The following CHEK2 variants were observed in gnomAD, a reference collection of about 807,000 sequenced individuals.
CHEK2 encodes the protein serine/threonine-protein kinase Chk2.
A neutral mutation model predicts 69.1 loss-of-function variants in CHEK2; 71 were observed. The ratio of observed to expected loss-of-function variants is 1.03; its 90% CI spans 0.85 to 1.25. The LOEUF (loss-of-function observed/expected upper bound fraction) is 1.25, where lower values mean the gene tolerates loss of function less well. CHEK2 is among the 50% of genes most tolerant of loss of function. The probability of loss-of-function intolerance (pLI) is 0.00; values close to 1 mark genes in which losing one functional copy is unlikely to be tolerated. For missense variants in CHEK2, 664 were observed against 649.6 expected, an observed-to-expected ratio of 1.02 and a Z score of -0.24; for synonymous variants, 189 against 226.9, an observed-to-expected ratio of 0.83 and a Z score of 1.50.
intron 7 of CHEK2, among the ~76,000 whole-genome samples, chr22:28,707,734 A>C (rs1412322110): frequency 1.3e-5 from 2 of 151,706 alleles, no homozygotes; most frequent in Admixed American, 6.6e-5. Context: ...TAGGGTTTTG[A>C]ATTCTTCTCT....
At chr22:28,702,137 G>GTGTGTGTGTGTA (rs1644116188) in intron 8 of CHEK2, among the ~76,000 whole-genome samples, 1 of 64,248 alleles carries the variant, frequency 1.6e-5, no homozygotes, top group Non-Finnish European at 3.3e-5. Flanking sequence ...GTGTGTGTCT[G>GTGTGTGTGTGTA]TGTGTGTGTG....
intron 1 of CHEK2, among the ~76,000 whole-genome samples, chr22:28,738,543 C>G (rs1227751357): frequency 6.6e-6 from 1 of 152,094 alleles, no homozygotes; most frequent in Non-Finnish European, 1.5e-5. Context: ...ATGTAATACT[C>G]CCCCCACCCA....
At chr22:28,699,032 C>T (rs192524679) in intron 9 of CHEK2, among the ~76,000 whole-genome samples, 3 of 152,232 alleles carry the variant, frequency 2.0e-5, no homozygotes, top group Admixed American at 2.0e-4. Flanking sequence ...AAAGACAGAG[C>T]ATCATTCTGT....
Position 28,687,843 on chromosome 22 carries a change from G to C in CHEK2, c.*54C>G, listed in dbSNP as rs2145735760. Reference sequence around the variant, plus strand: ...TATAAAAAAACAGACTCAAAGAAAAGAAAGATGACAGAGTGAAAGAAGGTA... The same window carrying C: ...TATAAAAAAACAGACTCAAAGAAAACAAAGATGACAGAGTGAAAGAAGGTA... On this transcript the variant is annotated 3_prime_UTR_variant, in exon 15 of 15. Transcript: ENST00000404276. 7.4e-7 allele frequency: 1 copy of C among 1,345,416 alleles called. No homozygotes were observed. The highest frequency in any genetic ancestry group is 1.0e-6 in the Non-Finnish European group (1 of 952,946). The allele number at this position is 1,345,416 out of a possible 1,614,324, so 83.3% of individuals were successfully genotyped here. A position where few individuals can be genotyped will look rare whatever the true frequency, so the allele number is the denominator to read the frequency against.
intron 5 of CHEK2, among the ~76,000 whole-genome samples, chr22:28,718,883 AACACACACACACACAC>A (rs144577000): frequency 4.3e-5 from 6 of 140,450 alleles, no homozygotes; most frequent in African/African-American, 1.6e-4. Context: ...CTCTGACACT[AACACACACACACACAC>A]ACACACACAC....
At chr22:28,691,567 G>A (rs919425578) in intron 13 of CHEK2, among the ~76,000 whole-genome samples, 3 of 152,078 alleles carry the variant, frequency 2.0e-5, no homozygotes, top group Admixed American at 2.0e-4. Flanking sequence ...ACAGTGGCTC[G>A]TGCCTATTAT....
chr22:28,711,869 C>T (rs372212841), intron 6 of CHEK2, 40 bp downstream of exon 6: 31 of 1,284,574 alleles, frequency 2.4e-5, no homozygotes, highest in African/African-American at 8.8e-5. Context: ...GTTATGAAGA[C>T]GTGTTAATAA....
At chr22:28,694,208 A>G in intron 12 of CHEK2, 91 bp from the exon 13 acceptor site, 1 of 865,626 alleles carries the variant, frequency 1.2e-6, no homozygotes, top group Non-Finnish European at 1.9e-6. Context: ...ATTCAGAAAG[A>G]GCAGAGAGGG....
intron 5 of CHEK2, among the ~76,000 whole-genome samples, chr22:28,714,050 CTA>C (rs765031989): frequency 2.0e-5 from 3 of 152,230 alleles, no homozygotes; most frequent in East Asian, 3.9e-4. Flanking sequence ...CGTGATAATT[CTA>C]TGTTTACCTT....
intron 13 of CHEK2, among the ~76,000 whole-genome samples, chr22:28,691,156 G>A (rs1419515718): frequency 1.3e-5 from 2 of 152,048 alleles, no homozygotes; most frequent in Non-Finnish European, 2.9e-5. Flanking sequence ...CAAACAGAGT[G>A]GTCACAAGCC....
chr22:28,722,654 AG>A (rs1422352356), intron 4 of CHEK2, among the ~76,000 whole-genome samples: 1 of 152,152 alleles, frequency 6.6e-6, no homozygotes, highest in African/African-American at 2.4e-5. Flanking sequence ...ACATAGACAT[AG>A]TTCCAAGATA....
chr22:28,715,884 G>A lies in CHEK2; in HGVS notation c.683+3511C>T, dbSNP rs1475559905. ...TCTTCTTTTTTTTTTTTTTCCTCCCGAGACATTGTCTCACTCTATCGCCCA... is the reference window on the plus strand; with the variant it reads ...TCTTCTTTTTTTTTTTTTTCCTCCCAAGACATTGTCTCACTCTATCGCCCA... On this transcript the variant is annotated intron_variant, in intron 5 of 14. Coordinates refer to ENST00000404276, the MANE Select transcript of CHEK2 (RefSeq NM_007194.4). 7.6e-5 allele frequency among the ~76,000 whole-genome samples: 11 copies of A among 144,982 alleles called. No homozygotes were observed. The South Asian group carries it at 2.2e-3, about 29-fold the overall frequency.
At position 28,699,821 on chromosome 22, in the gene CHEK2, T is replaced by C. The variant is rs1190548447; in HGVS notation, c.1008+17A>G. The stretch of plus-strand genomic sequence containing the variant: ...AAAAGAAAGGCAGCTGTCAAAAGAA[T>C]TGAGGGCTTCTTTTACCTGCACAGC... On this transcript the variant is annotated intron_variant, in intron 9 of 14. Coordinates refer to ENST00000404276, the MANE Select transcript of CHEK2 (RefSeq NM_007194.4). 1.9e-6 allele frequency: 3 copies of C among 1,559,328 alleles called. No individual in the cohort carries two copies. The highest frequency in any genetic ancestry group is 2.7e-6 in the Non-Finnish European group (3 of 1,130,120).
At chr22:28,708,952 C>CAAAAAAAAA (rs374623367) in intron 7 of CHEK2, 7 of 330,840 alleles carry the variant, frequency 2.1e-5, no homozygotes, top group South Asian at 4.3e-5. Context: ...GCCTCCGTCT[C>CAAAAAAAAA]AAAAAAAAAA....
chr22:28,717,846 A>C (rs948547080), intron 5 of CHEK2, among the ~76,000 whole-genome samples: 1 of 152,074 alleles, frequency 6.6e-6, no homozygotes, highest in Non-Finnish European at 1.5e-5. Flanking sequence ...ACCATTGCAC[A>C]CCATTGCCTG....
At chr22:28,701,771 G>C (rs997038683) in intron 8 of CHEK2, among the ~76,000 whole-genome samples, 5 of 152,094 alleles carry the variant, frequency 3.3e-5, no homozygotes, top group African/African-American at 1.2e-4. Context: ...CCTGGTCCTG[G>C]ATTGAAAGGA....
chr22:28,690,114 A>C (rs2052302924), intron 13 of CHEK2, among the ~76,000 whole-genome samples: 1 of 152,148 alleles, frequency 6.6e-6, no homozygotes, highest in African/African-American at 2.4e-5. Context: ...CCCTCCTCCC[A>C]CTGAGCCAAG....
At chr22:28,729,213 G>A in intron 2 of CHEK2, 2 of 221,312 alleles carry the variant, frequency 9.0e-6, no homozygotes, top group Non-Finnish European at 9.4e-6. Flanking sequence ...ACTAAATCCA[G>A]CAACACATAA....
At chr22:28,721,292 T>TG (rs2053769581) in intron 4 of CHEK2, among the ~76,000 whole-genome samples, 1 of 146,108 alleles carries the variant, frequency 6.8e-6, no homozygotes, top group African/African-American at 2.5e-5. Flanking sequence ...TTTTTTTTTT[T>TG]TTTTTTTTTT....
Sources: allele counts gnomAD v4.1 joint callset (sites outside exome capture counted in the v4.1 genomes callset), GRCh38; gene constraint gnomAD v4.1.1; transcripts MANE v1.5; gene names NCBI Gene and HGNC (gene_info 2026-07-23, HGNC 2026-07-21).